Variants in SLC24A2 observed in about 807,000 individuals in gnomAD.
The protein encoded by SLC24A2 is solute carrier family 24 member 2.
In SLC24A2, 36 loss-of-function variants were observed where a neutral mutation model predicts 62.0. That is an observed-to-expected ratio of 0.58 (90% CI 0.44 to 0.77). The LOEUF is 0.77. SLC24A2 is among the 30% of genes least tolerant of loss of function. The probability of loss-of-function intolerance (pLI) is 0.00; values close to 1 mark genes in which losing one functional copy is unlikely to be tolerated. For missense variants in SLC24A2, 846 were observed against 817.9 expected (o/e 1.03, Z -0.42); for synonymous variants, 358 against 294.0 (o/e 1.22, Z -2.23).
At chr9:20,192,388 T>A in the SLC24A2 span, among the ~76,000 whole-genome samples, 1 of 151,934 alleles carries the variant, frequency 6.6e-6, no homozygotes, top group Non-Finnish European at 1.5e-5. Flanking sequence ...TATATATATA[T>A]ATTTAAGAAA....
the SLC24A2 span, among the ~76,000 whole-genome samples, chr9:19,972,147 G>A: frequency 6.6e-6 from 1 of 152,034 alleles, no homozygotes; most frequent in African/African-American, 2.4e-5. Context: ...GCATGGTCAG[G>A]AATTTTTCAC....
the SLC24A2 span, among the ~76,000 whole-genome samples, chr9:19,803,340 A>G: frequency 0.85 from 128,857 of 151,846 alleles, 55,725 homozygotes; most frequent in Non-Finnish European, 0.94. Context: ...TGAAGAGAGA[A>G]TTGAAAATTG....
At chr9:19,799,128 T>A in the SLC24A2 span, among the ~76,000 whole-genome samples, 1 of 152,162 alleles carries the variant, frequency 6.6e-6, no homozygotes, top group Non-Finnish European at 1.5e-5. Context: ...CTACTGTTTC[T>A]ATTTGTTTTC....
chr9:19,530,294 T>C (rs1833641217), intron 8 of SLC24A2, among the ~76,000 whole-genome samples: 1 of 152,092 alleles, frequency 6.6e-6, no homozygotes, highest in African/African-American at 2.4e-5. Flanking sequence ...AAGAACCCTC[T>C]TGCCACGTGG....
At chr9:19,588,686 C>T (rs1448345446) in intron 5 of SLC24A2, among the ~76,000 whole-genome samples, 1 of 152,180 alleles carries the variant, frequency 6.6e-6, no homozygotes, top group Non-Finnish European at 1.5e-5. Flanking sequence ...TGAGGCCCCG[C>T]GTGGTGGCTC....
chr9:19,852,799 G>A, the SLC24A2 span, among the ~76,000 whole-genome samples: 1 of 150,882 alleles, frequency 6.6e-6, no homozygotes, highest in Non-Finnish European at 1.5e-5. Flanking sequence ...TTGGCTATAT[G>A]AGCTCTTTTT....
At chr9:20,151,540 A>C in the SLC24A2 span, among the ~76,000 whole-genome samples, 1 of 151,882 alleles carries the variant, frequency 6.6e-6, no homozygotes, top group Non-Finnish European at 1.5e-5. Context: ...GCATTCAGCT[A>C]GCCAAACAAG....
chr9:20,083,571 TG>T, the SLC24A2 span, among the ~76,000 whole-genome samples: 1 of 152,256 alleles, frequency 6.6e-6, no homozygotes, highest in Admixed American at 6.5e-5. Flanking sequence ...AGCAGCGAAT[TG>T]CCATTCAGTC....
At chr9:20,038,640 A>C in the SLC24A2 span, among the ~76,000 whole-genome samples, 11 of 152,206 alleles carry the variant, frequency 7.2e-5, no homozygotes, top group African/African-American at 2.6e-4. Flanking sequence ...AACAAAAAAA[A>C]AAAAAAAGGC....
the SLC24A2 span, among the ~76,000 whole-genome samples, chr9:20,145,476 T>A: frequency 1.3e-5 from 2 of 152,120 alleles, no homozygotes; most frequent in Non-Finnish European, 2.9e-5. Context: ...AATAGTAATT[T>A]ATTCTCGATT....
chr9:19,766,949 T>C (rs1854143), intron 2 of SLC24A2, among the ~76,000 whole-genome samples: 86,109 of 151,946 alleles, frequency 0.57, 24,851 homozygotes, highest in East Asian at 0.73. Flanking sequence ...TATCTATAAG[T>C]CCCTGACTGA....
chr9:19,840,278 G>A, the SLC24A2 span, among the ~76,000 whole-genome samples: 1 of 152,044 alleles, frequency 6.6e-6, no homozygotes, highest in Admixed American at 6.6e-5. Context: ...AACAATTTAC[G>A]ATCCTTATAA....
Position 19,599,213 on chromosome 9 carries a change from T to C in SLC24A2, c.1079-1934A>G, listed in dbSNP as rs1168991464. Among the ~76,000 whole-genome samples, 2 of 152,246 alleles carry C rather than the reference T, an allele frequency of 1.3e-5. No individual in the cohort carries two copies. Among genetic ancestry groups the C allele is most frequent in the African/African-American group, 2.4e-5 (1 of 41,470 alleles). ...CATTCATATTGTTTAATTATCATTT[T>C]ATTTGTACATAGTTGGAATTGGAAC... On this transcript the variant is annotated intron_variant, in intron 4 of 10. Coordinates refer to ENST00000341998, the MANE Select transcript of SLC24A2 (RefSeq NM_020344.4). This position sits in a 1 kb window ranked among gnomAD's most constrained non-coding sequence, Gnocchi z 4.5.
chr9:20,227,617 T>C, the SLC24A2 span, among the ~76,000 whole-genome samples: 1 of 150,390 alleles, frequency 6.6e-6, no homozygotes, highest in Non-Finnish European at 1.5e-5. Flanking sequence ...GTACTATTAA[T>C]ATAACAAAAA....
At chr9:19,687,695 T>C (rs1210409741) in intron 2 of SLC24A2, among the ~76,000 whole-genome samples, 1 of 152,100 alleles carries the variant, frequency 6.6e-6, no homozygotes, top group African/African-American at 2.4e-5. Flanking sequence ...GCTCTCTGGC[T>C]TTGACCTTTG....
At chr9:19,850,982 TA>T in the SLC24A2 span, among the ~76,000 whole-genome samples, 2 of 42,178 alleles carry the variant, frequency 4.7e-5, no homozygotes, top group Admixed American at 2.7e-4. Context: ...TATATATATA[TA>T]TGTATATATA....
the SLC24A2 span, among the ~76,000 whole-genome samples, chr9:20,069,401 G>C: frequency 1.3e-5 from 2 of 152,056 alleles, no homozygotes; most frequent in Non-Finnish European, 2.9e-5. Flanking sequence ...TATATAATTG[G>C]CTATTTAAAA....
the SLC24A2 span, among the ~76,000 whole-genome samples, chr9:19,959,568 T>C: frequency 6.6e-6 from 1 of 152,236 alleles, no homozygotes; most frequent in African/African-American, 2.4e-5. Context: ...CCTTGGCACA[T>C]ACTAGGCATT....
At chr9:20,130,534 A>T in the SLC24A2 span, among the ~76,000 whole-genome samples, 1 of 152,072 alleles carries the variant, frequency 6.6e-6, no homozygotes, top group Admixed American at 6.6e-5. Context: ...GTTGTTTAAA[A>T]AAGGCTAGAT....
Sources: allele counts gnomAD v4.1 joint callset (sites outside exome capture counted in the v4.1 genomes callset), GRCh38; gene constraint gnomAD v4.1.1; non-coding constraint Gnocchi (gnomAD v3.1); transcripts MANE v1.5; gene names NCBI Gene and HGNC (gene_info 2026-07-23, HGNC 2026-07-21).